EXOC2: variants seen among roughly 807,000 people sequenced by gnomAD.
EXOC2 encodes SEC5-like 1.
A neutral mutation model predicts 131.8 loss-of-function variants in EXOC2; 70 were observed. The ratio of observed to expected loss-of-function variants is 0.53; its 90% confidence interval spans 0.44 to 0.65. The LOEUF is 0.65. EXOC2 is among the 30% of genes least tolerant of loss of function. The probability of loss-of-function intolerance (pLI) is 0.00; values close to 1 mark genes in which losing one functional copy is unlikely to be tolerated. For synonymous variants in EXOC2, 411 were observed against 398.4 expected, an observed-to-expected ratio of 1.03 and a Z score of -0.38; for missense variants, 923 against 1,108.6, an observed-to-expected ratio of 0.83 and a Z score of 2.38.
At chr6:515,274 C>A (rs972545881) in intron 23 of EXOC2, among the ~76,000 whole-genome samples, 2 of 152,142 alleles carry the variant, frequency 1.3e-5, no homozygotes, top group Admixed American at 1.3e-4. Flanking sequence ...AACAAACACG[C>A]AAACAAAACC....
At chr6:526,116 T>C (rs1464745870) in intron 23 of EXOC2, among the ~76,000 whole-genome samples, 1 of 152,362 alleles carries the variant, frequency 6.6e-6, no homozygotes, top group South Asian at 2.1e-4. Context: ...AAGTAAATTC[T>C]ATACATATAA....
At chr6:519,021 A>C (rs1382883600) in intron 23 of EXOC2, among the ~76,000 whole-genome samples, 2 of 152,222 alleles carry the variant, frequency 1.3e-5, no homozygotes, top group Non-Finnish European at 2.9e-5. Context: ...CAAGTACTCA[A>C]TGACAAGGAC....
intron 4 of EXOC2, among the ~76,000 whole-genome samples, chr6:626,397 C>T (rs3817905): frequency 0.047 from 7,149 of 152,192 alleles, 210 homozygotes; most frequent in Middle Eastern, 0.14. Context: ...ACAAGGCAAC[C>T]GTACTGTGTT....
At chr6:499,470 C>CAGAG (rs1554116841) in intron 24 of EXOC2, among the ~76,000 whole-genome samples, 175 bp downstream of exon 24, 258 of 145,218 alleles carry the variant, frequency 1.8e-3, no homozygotes, top group Non-Finnish European at 3.2e-3. Flanking sequence ...CACACACACA[C>CAGAG]ACAGAGACAG....
chr6:507,438 T>C (rs991274740), intron 23 of EXOC2, among the ~76,000 whole-genome samples: 18 of 151,460 alleles, frequency 1.2e-4, no homozygotes, highest in African/African-American at 4.1e-4. Context: ...AGGTTTAATA[T>C]GACAAATGAC....
At chr6:594,158 A>G (rs1466318675) in intron 10 of EXOC2, among the ~76,000 whole-genome samples, 3 of 152,250 alleles carry the variant, frequency 2.0e-5, no homozygotes, top group Admixed American at 6.5e-5. Context: ...ACTCCTCCTC[A>G]TAAATGAGAA....
At chr6:633,808 G>A (rs566824008) in intron 2 of EXOC2, among the ~76,000 whole-genome samples, 2 of 152,224 alleles carry the variant, frequency 1.3e-5, no homozygotes, top group South Asian at 4.2e-4. Context: ...TACACTCCCA[G>A]AAGGTCAACT....
At chr6:579,390 G>C (rs1758761719) in intron 11 of EXOC2, among the ~76,000 whole-genome samples, 1 of 152,078 alleles carries the variant, frequency 6.6e-6, no homozygotes, top group Admixed American at 6.6e-5. Context: ...GGAAAACAAA[G>C]GTAACCGTGA....
intron 1 of EXOC2, chr6:656,714 C>T (rs1336351595): frequency 6.2e-7 from 1 of 1,601,530 alleles, no homozygotes; most frequent in South Asian, 1.1e-5. Flanking sequence ...CCAGGTGGAT[C>T]TCATCGAGAT....
At chr6:514,421 C>G (rs973203104) in intron 23 of EXOC2, among the ~76,000 whole-genome samples, 1 of 152,192 alleles carries the variant, frequency 6.6e-6, no homozygotes, top group African/African-American at 2.4e-5. Context: ...GGGAGAAAGT[C>G]ACAGAGATGG....
intron 15 of EXOC2, 54 bp from the exon 16 acceptor site, chr6:564,208 C>T: frequency 6.3e-7 from 1 of 1,592,504 alleles, no homozygotes; most frequent in Non-Finnish European, 8.5e-7. Flanking sequence ...GCAAAGCAAT[C>T]CCTAGCATCT....
chr6:528,273 A>G (rs1333857173), intron 23 of EXOC2, among the ~76,000 whole-genome samples: 1 of 152,250 alleles, frequency 6.6e-6, no homozygotes, highest in East Asian at 1.9e-4. Context: ...AACTACAGCA[A>G]TAAGTAATCA....
chr6:648,976 G>A (rs898811198), intron 1 of EXOC2, among the ~76,000 whole-genome samples: 1 of 151,870 alleles, frequency 6.6e-6, no homozygotes, highest in Non-Finnish European at 1.5e-5. Context: ...GCCTCCCAAC[G>A]TGCTGGGATT....
rs1757024300 is a variant in EXOC2, at chr6:549,294, A to T, written c.2122-3T>A. 1 of 1,608,528 alleles carries T rather than the reference A, an allele frequency of 6.2e-7. No individual in the cohort carries two copies. The highest frequency in any genetic ancestry group is 8.5e-7 in the Non-Finnish European group (1 of 1,175,176). On this transcript the variant is annotated splice_region_variant and splice_polypyrimidine_tract_variant and intron_variant, in intron 21 of 27. Transcript: ENST00000230449. ...AGGACTATCAAAAGGCGCTGTTCCT[A>T]AAAGCAAAACAAATGTTTAGAAAAT...
At chr6:490,443 G>T (rs1047018548) in intron 26 of EXOC2, among the ~76,000 whole-genome samples, 4 of 152,322 alleles carry the variant, frequency 2.6e-5, no homozygotes, top group African/African-American at 9.6e-5. Context: ...CGACGGGAAT[G>T]AAAGGCTAAC....
At chr6:489,283 G>C (rs1179126737) in intron 26 of EXOC2, among the ~76,000 whole-genome samples, 1 of 152,234 alleles carries the variant, frequency 6.6e-6, no homozygotes, top group Admixed American at 6.5e-5. Context: ...TACTTGAAAA[G>C]CTAAAGGAAA....
chr6:567,198 GCTGGGCCTGTCCCTCCCAGCCCTCCCA>G (rs1758011922), intron 13 of EXOC2, among the ~76,000 whole-genome samples: 1 of 152,224 alleles, frequency 6.6e-6, no homozygotes, highest in Non-Finnish European at 1.5e-5. Context: ...GCCACTGCCA[GCTGGGCCTGTCCCTCCCAGCCCTCCCA>G]CTGCTCAGGA....
chr6:503,894 T>C (rs1256351643), intron 23 of EXOC2, among the ~76,000 whole-genome samples: 12 of 152,322 alleles, frequency 7.9e-5, no homozygotes, highest in Non-Finnish European at 1.5e-4. Flanking sequence ...TCCCGTGGGC[T>C]CTTGGGTCCA....
chr6:520,883 GCGC>G (rs1380320962), intron 23 of EXOC2, among the ~76,000 whole-genome samples: 1 of 136,540 alleles, frequency 7.3e-6, no homozygotes, highest in East Asian at 2.4e-4. Context: ...CACCCACCGA[GCGC>G]CAACACTCAC....
Sources: allele counts gnomAD v4.1 joint callset (sites outside exome capture counted in the v4.1 genomes callset), GRCh38; gene constraint gnomAD v4.1.1; transcripts MANE v1.5; gene names NCBI Gene and HGNC (gene_info 2026-07-23, HGNC 2026-07-21).